The following LEF1 variants were observed in gnomAD, a reference collection of about 807,000 sequenced individuals.
LEF1 encodes the protein lymphoid enhancer binding factor 1, also known as lymphoid enhancer-binding factor 1.
A neutral mutation model predicts 51.2 loss-of-function variants in LEF1; 14 were observed. That is an observed-to-expected ratio of 0.27 (90% CI 0.18 to 0.43). The LOEUF (loss-of-function observed/expected upper bound fraction) is 0.43, where lower values mean the gene tolerates loss of function less well. LEF1 is among the 20% of genes least tolerant of loss of function. The pLI is 1.00. For synonymous variants in LEF1, 185 were observed against 183.2 expected, an observed-to-expected ratio of 1.01 and a Z score of -0.08; for missense variants, 386 against 512.0, an observed-to-expected ratio of 0.75 and a Z score of 2.37.
intron 3 of LEF1, among the ~76,000 whole-genome samples, chr4:108,132,654 T>C: frequency 7.7e-6 from 1 of 130,412 alleles, no homozygotes; most frequent in African/African-American, 2.7e-5. Context: ...AGAGCGAAAA[T>C]CTGCCTTTTT....
chr4:108,073,964 G>A (rs993001180), intron 8 of LEF1, among the ~76,000 whole-genome samples: 3 of 151,802 alleles, frequency 2.0e-5, no homozygotes, highest in African/African-American at 7.3e-5. Context: ...TAGCTGGGAC[G>A]ACAGGTGCGT....
At chr4:108,063,794 T>G (rs1301168058) in intron 10 of LEF1, 131 bp from the exon 11 acceptor site, 1 of 647,318 alleles carries the variant, frequency 1.5e-6, no homozygotes, top group Non-Finnish European at 2.7e-6. Flanking sequence ...CCATTTTTAT[T>G]TGTGCAGTAC....
At chr4:108,139,379 T>C (rs550690887) in intron 3 of LEF1, among the ~76,000 whole-genome samples, 2 of 152,386 alleles carry the variant, frequency 1.3e-5, no homozygotes, top group South Asian at 2.1e-4. Flanking sequence ...AGTTTATATA[T>C]AGAACATGCA....
At chr4:108,128,167 G>A (rs565668913) in intron 3 of LEF1, among the ~76,000 whole-genome samples, 1 of 152,066 alleles carries the variant, frequency 6.6e-6, no homozygotes, top group African/African-American at 2.4e-5. Flanking sequence ...AAATACACAT[G>A]CAAACTCTAT....
intron 3 of LEF1, among the ~76,000 whole-genome samples, chr4:108,148,423 T>A (rs1252973743): frequency 6.6e-6 from 1 of 152,138 alleles, no homozygotes; most frequent in Admixed American, 6.5e-5. Context: ...GAATAGTACA[T>A]ATAAAGACAG....
At chr4:108,080,793 A>C (rs1484585955) in intron 6 of LEF1, among the ~76,000 whole-genome samples, 9 of 152,206 alleles carry the variant, frequency 5.9e-5, no homozygotes, top group Admixed American at 5.9e-4. Context: ...TACTATACCC[A>C]TATAAAAAAG....
intron 3 of LEF1, among the ~76,000 whole-genome samples, chr4:108,120,097 T>C (rs1200074785): frequency 6.6e-6 from 1 of 151,838 alleles, no homozygotes; most frequent in Non-Finnish European, 1.5e-5. Context: ...AGTGGTGTGA[T>C]CACGGCTCAA....
chr4:108,113,737 C>T (rs1389891030), intron 3 of LEF1, among the ~76,000 whole-genome samples: 1 of 152,130 alleles, frequency 6.6e-6, no homozygotes, highest in African/African-American at 2.4e-5. Flanking sequence ...GGATAAATTG[C>T]AGGTATGCAT....
intron 4 of LEF1, among the ~76,000 whole-genome samples, chr4:108,087,384 G>T (rs1035214216): frequency 1.3e-5 from 2 of 151,776 alleles, no homozygotes; most frequent in African/African-American, 4.8e-5. Context: ...ACAACTTCTG[G>T]TGATGACCAT....
intron 4 of LEF1, among the ~76,000 whole-genome samples, chr4:108,088,140 C>T (rs367596950): frequency 2.0e-5 from 3 of 152,086 alleles, no homozygotes; most frequent in East Asian, 3.9e-4. Flanking sequence ...GAAATGAAAG[C>T]GTTAAGTATT....
In LEF1 at chr4:108,106,132, AT is replaced by A. The variant is rs1305588449; in HGVS notation, c.415-16876del. On this transcript the variant is annotated intron_variant, in intron 3 of 11. Coordinates refer to ENST00000265165, the MANE Select transcript of LEF1 (RefSeq NM_016269.5). ...GGGAGATCAACGGTCTGATCAGTCA[AT>A]TTCACCTATCCAACTCAAAAAGTAC... Among the ~76,000 whole-genome samples, 3 of 152,282 alleles carry A rather than the reference AT, an allele frequency of 2.0e-5. No homozygotes were observed. In the East Asian group the frequency reaches 5.8e-4, roughly 29 times the overall value.
chr4:108,057,343 TAACCCAGCAGC>T (rs1737372650), intron 11 of LEF1, among the ~76,000 whole-genome samples: 1 of 152,140 alleles, frequency 6.6e-6, no homozygotes, highest in African/African-American at 2.4e-5. Flanking sequence ...TAACTAAACA[TAACCCAGCAGC>T]TCACTGATAT....
rs1426477775 is a variant in LEF1, at chr4:108,157,434, TC to T, written c.414+6133del. Among the ~76,000 whole-genome samples the T allele has an allele frequency of 3.3e-5, 5 of 152,216 alleles. No individual in the cohort carries two copies. In the East Asian group the frequency reaches 9.7e-4, roughly 29 times the overall value. On this transcript the variant is annotated intron_variant, in intron 3 of 11. Coordinates refer to ENST00000265165, the MANE Select transcript of LEF1 (RefSeq NM_016269.5). ...GTCTCAAACTCCTGACCTCAGGTGA[TC>T]CACCTGCCTCGAGCAATAGGCAACT... is the stretch of plus-strand genomic sequence containing the variant.
intron 8 of LEF1, among the ~76,000 whole-genome samples, chr4:108,076,831 G>T (rs1389760428): frequency 1.3e-5 from 2 of 151,820 alleles, no homozygotes; most frequent in Admixed American, 6.6e-5. Context: ...GATCAACCTG[G>T]CCAACACAGT....
At chr4:108,087,499 A>T (rs986052053) in intron 4 of LEF1, among the ~76,000 whole-genome samples, 3 of 152,172 alleles carry the variant, frequency 2.0e-5, no homozygotes, top group African/African-American at 7.2e-5. Context: ...GCAGTAGGAG[A>T]TGGAAACAGA....
chr4:108,089,051 A>G (rs16996935), intron 4 of LEF1, 74 bp downstream of exon 4: 1,401,903 of 1,559,980 alleles, frequency 0.9, 633,290 homozygotes, highest in East Asian at 0.97. Flanking sequence ...GGCATCTGGA[A>G]GGTCACTCAG....
At chr4:108,074,987 A>G (rs1738749672) in intron 8 of LEF1, among the ~76,000 whole-genome samples, 1 of 151,454 alleles carries the variant, frequency 6.6e-6, no homozygotes, top group Non-Finnish European at 1.5e-5. Flanking sequence ...AAATAAAAAC[A>G]TCAGCCCTTC....
At chr4:108,070,190 GAT>G (rs1738367637) in intron 9 of LEF1, among the ~76,000 whole-genome samples, 1 of 151,930 alleles carries the variant, frequency 6.6e-6, no homozygotes, top group African/African-American at 2.4e-5. Context: ...ATGGAATATT[GAT>G]AGACATAAAC....
At chr4:108,105,905 G>A (rs1741132036) in intron 3 of LEF1, among the ~76,000 whole-genome samples, 1 of 152,208 alleles carries the variant, frequency 6.6e-6, no homozygotes, top group Admixed American at 6.5e-5. Flanking sequence ...TAGAATTCCA[G>A]AGCTGAAGGA....
Sources: allele counts gnomAD v4.1 joint callset (sites outside exome capture counted in the v4.1 genomes callset), GRCh38; gene constraint gnomAD v4.1.1; transcripts MANE v1.5; gene names NCBI Gene and HGNC (gene_info 2026-07-23, HGNC 2026-07-21).